Variants in TENM3 observed in about 807,000 individuals in gnomAD.
The protein encoded by TENM3 is teneurin transmembrane protein 3, also known as teneurin-3.
A neutral mutation model predicts 255.1 loss-of-function variants in TENM3; 63 were observed. That is an observed-to-expected ratio of 0.25 (90% CI 0.20 to 0.30). The LOEUF (loss-of-function observed/expected upper bound fraction) is 0.30, where lower values mean the gene tolerates loss of function less well. TENM3 is among the 10% of genes least tolerant of loss of function. The probability of loss-of-function intolerance (pLI) is 1.00; values close to 1 mark genes in which losing one functional copy is unlikely to be tolerated. For missense variants in TENM3, 2,929 were observed against 3,461.1 expected, an observed-to-expected ratio of 0.85 and a Z score of 3.86; for synonymous variants, 1,306 against 1,322.3, an observed-to-expected ratio of 0.99 and a Z score of 0.27.
chr4:181,756,637 A>T, the TENM3 span, among the ~76,000 whole-genome samples: 1 of 152,218 alleles, frequency 6.6e-6, no homozygotes, highest in Admixed American at 6.5e-5. Context: ...ACAAACTCCG[A>T]TGGCAGTTTG....
chr4:181,635,467 C>A, the TENM3 span, among the ~76,000 whole-genome samples: 1 of 152,274 alleles, frequency 6.6e-6, no homozygotes, highest in Admixed American at 6.5e-5. Context: ...AAAAGGGATT[C>A]GCTGCAGTTC....
At chr4:182,057,449 G>A in the TENM3 span, among the ~76,000 whole-genome samples, 2 of 134,610 alleles carry the variant, frequency 1.5e-5, no homozygotes, top group Non-Finnish European at 1.6e-5. Context: ...CTTGCTCCAT[G>A]GCCCAGGCAG....
At chr4:182,396,268 G>C (rs1768802428) in intron 3 of TENM3, among the ~76,000 whole-genome samples, 1 of 152,114 alleles carries the variant, frequency 6.6e-6, no homozygotes, top group Non-Finnish European at 1.5e-5. Context: ...TCTAAATACA[G>C]TTTTACTATC....
the TENM3 span, among the ~76,000 whole-genome samples, chr4:181,877,298 A>G: frequency 4.6e-5 from 7 of 152,206 alleles, no homozygotes; most frequent in Admixed American, 4.6e-4. Context: ...TGAATGACAA[A>G]TTCAAATGCA....
chr4:182,039,799 C>T, the TENM3 span, among the ~76,000 whole-genome samples: 6 of 148,462 alleles, frequency 4.0e-5, no homozygotes, highest in South Asian at 2.2e-4. Flanking sequence ...AATGCTTAAA[C>T]GAATAAAAAG....
the TENM3 span, among the ~76,000 whole-genome samples, chr4:181,616,047 T>TC: frequency 1.5e-4 from 23 of 148,556 alleles, no homozygotes; most frequent in Non-Finnish European, 2.5e-4. Context: ...GAGAACATGT[T>TC]TCCCCCCCAC....
At chr4:182,526,524 A>C (rs980259207) in intron 3 of TENM3, among the ~76,000 whole-genome samples, 1 of 152,122 alleles carries the variant, frequency 6.6e-6, no homozygotes. Context: ...CATGCACTCA[A>C]AGTTAAAGGA....
At position 182,430,905 on chromosome 4, in the gene TENM3, G is replaced by A. The variant is rs181746958; in HGVS notation, c.511+83976G>A. Among the ~76,000 whole-genome samples, 12 of 151,830 alleles carry A rather than the reference G, an allele frequency of 7.9e-5. No individual in the cohort carries two copies. In the East Asian group the frequency reaches 7.9e-4, roughly 10 times the overall value. On this transcript the variant is annotated intron_variant, in intron 3 of 27. Coordinates refer to ENST00000511685, the MANE Select transcript of TENM3 (RefSeq NM_001080477.4). ...TGGGCACCTGTAATCCCAGCTACTC[G>A]GGAGGCTAAGATAGGAGAATCACTT...
At position 182,525,930 on chromosome 4, in the gene TENM3, A is replaced by G. The variant is rs376930737; in HGVS notation, c.512-74994A>G. 7.3e-4 allele frequency among the ~76,000 whole-genome samples: 111 copies of G among 152,314 alleles called. 1 individual carries two copies. In the East Asian group the frequency reaches 0.012, roughly 16 times the overall value. ...TTTAGATTATTTTCTGCAGTTTCCA[A>G]TGCCTGACACAGGTTTTCCTATTGC... On this transcript the variant is annotated intron_variant, in intron 3 of 27. Transcript: ENST00000511685.
the TENM3 span, among the ~76,000 whole-genome samples, chr4:181,918,852 A>C: frequency 1.3e-5 from 2 of 152,194 alleles, no homozygotes; most frequent in Admixed American, 6.5e-5. Context: ...AATGGACCCT[A>C]TTCCTCAAAA....
At chr4:182,558,259 T>C (rs1367027626) in intron 3 of TENM3, among the ~76,000 whole-genome samples, 1 of 152,214 alleles carries the variant, frequency 6.6e-6, no homozygotes, top group Admixed American at 6.5e-5. Flanking sequence ...TCTTTGAATG[T>C]GCACAGCATC....
At chr4:181,903,916 C>T in the TENM3 span, among the ~76,000 whole-genome samples, 1 of 152,098 alleles carries the variant, frequency 6.6e-6, no homozygotes, top group African/African-American at 2.4e-5. Context: ...TGGATGAGTT[C>T]AATTCCATGG....
chr4:182,791,095 A>C (rs1766071331), intron 25 of TENM3, among the ~76,000 whole-genome samples: 1 of 152,240 alleles, frequency 6.6e-6, no homozygotes, highest in African/African-American at 2.4e-5. Context: ...ATGACTTCAG[A>C]TGATTCCAAA....
At chr4:181,900,815 G>A in the TENM3 span, among the ~76,000 whole-genome samples, 34,002 of 152,074 alleles carry the variant, frequency 0.22, 3,903 homozygotes, top group South Asian at 0.32. Flanking sequence ...CAGTAGTATC[G>A]TTGAGAACAG....
At chr4:182,128,029 A>G in the TENM3 span, among the ~76,000 whole-genome samples, 6 of 152,142 alleles carry the variant, frequency 3.9e-5, no homozygotes, top group Admixed American at 3.3e-4. Flanking sequence ...AGGAAGTTTA[A>G]TAGGTTTGTT....
chr4:182,138,986 AAAAG>A (rs1369960490), upstream of TENM3, among the ~76,000 whole-genome samples: 1 of 152,218 alleles, frequency 6.6e-6, no homozygotes, highest in Admixed American at 6.5e-5. Flanking sequence ...CCCTGTTTAA[AAAAG>A]AAAGTCAGAG....
intron 3 of TENM3, among the ~76,000 whole-genome samples, chr4:182,366,505 T>C (rs1052227899): frequency 6.6e-6 from 1 of 152,106 alleles, no homozygotes; most frequent in Non-Finnish European, 1.5e-5. Flanking sequence ...TTTCACATTA[T>C]CCACTTTTGT....
At chr4:181,755,816 G>T in the TENM3 span, among the ~76,000 whole-genome samples, 1 of 152,030 alleles carries the variant, frequency 6.6e-6, no homozygotes, top group African/African-American at 2.4e-5. Flanking sequence ...AAGGTTTGTT[G>T]GGTCTTGATG....
chr4:181,556,479 T>C, the TENM3 span, among the ~76,000 whole-genome samples: 1 of 152,204 alleles, frequency 6.6e-6, no homozygotes, highest in Non-Finnish European at 1.5e-5. Context: ...TTATTGCTAT[T>C]CTAACAGTAA....
Sources: allele counts gnomAD v4.1 joint callset (sites outside exome capture counted in the v4.1 genomes callset), GRCh38; gene constraint gnomAD v4.1.1; transcripts MANE v1.5; gene names NCBI Gene and HGNC (gene_info 2026-07-23, HGNC 2026-07-21).